Variants in CFAP251 observed in about 807,000 individuals in gnomAD.
CFAP251 encodes cilia- and flagella-associated protein 251.
A neutral mutation model predicts 126.7 loss-of-function variants in CFAP251; 93 were observed. That is an observed-to-expected ratio of 0.73 (90% CI 0.62 to 0.87). The LOEUF is 0.87. CFAP251 is among the 40% of genes least tolerant of loss of function. The probability of loss-of-function intolerance (pLI) is 0.00; values close to 1 mark genes in which losing one functional copy is unlikely to be tolerated. For synonymous variants in CFAP251, 503 were observed against 506.9 expected (o/e 0.99, Z 0.10); for missense variants, 1,287 against 1,389.2 (o/e 0.93, Z 1.17).
At chr12:121,972,500 T>C (rs1401156855) in intron 17 of CFAP251, among the ~76,000 whole-genome samples, 1 of 151,970 alleles carries the variant, frequency 6.6e-6, no homozygotes, top group African/African-American at 2.4e-5. Context: ...TTTTTTTTTT[T>C]TTTTTGAGAT....
chr12:121,980,940 T>C (rs186666351), intron 19 of CFAP251, among the ~76,000 whole-genome samples: 1 of 152,298 alleles, frequency 6.6e-6, no homozygotes, highest in African/African-American at 2.4e-5. Flanking sequence ...GTCTGCTCTG[T>C]AGATGAGGCT....
rs778449991 is a variant in CFAP251, at chr12:122,003,710, G to A, written c.3396G>A (p.Ala1132=). The change falls in exon 22 of 22, where the codon GCG becomes GCA. Residue 1132 remains alanine (A), a synonymous_variant. Transcript: ENST00000288912. Reference sequence around the variant, plus strand: ...ACGAAATCACTGCAGAAATATTCGCGACTGAAATTCTTGGCTTAACCATTT... The same window carrying A: ...ACGAAATCACTGCAGAAATATTCGCAACTGAAATTCTTGGCTTAACCATTT... ...LPDEITAEIF[A]TEILGLTISE... 19 of 1,609,592 alleles carry A rather than the reference G, an allele frequency of 1.2e-5. No individual in the cohort carries two copies. Among genetic ancestry groups the A allele is most frequent in the Admixed American group, 1.7e-5 (1 of 58,858 alleles).
intron 19 of CFAP251, among the ~76,000 whole-genome samples, chr12:121,988,443 T>A (rs1307830559): frequency 1.3e-5 from 2 of 152,218 alleles, no homozygotes; most frequent in Non-Finnish European, 2.9e-5. Context: ...GATTGGCCTA[T>A]CTTGGCATTT....
intron 17 of CFAP251, chr12:121,969,873 A>G (rs1464150982): frequency 4.1e-6 from 4 of 985,306 alleles, no homozygotes; most frequent in Non-Finnish European, 4.8e-6. Flanking sequence ...TCTGCTTTCC[A>G]ATAGCTTTCG....
intron 17 of CFAP251, among the ~76,000 whole-genome samples, chr12:121,972,486 G>A (rs78687953): frequency 0.02 from 2,967 of 151,664 alleles, 96 homozygotes; most frequent in African/African-American, 0.064. Flanking sequence ...ATCTGGTAGA[G>A]TAATTTTTTT....
intron 9 of CFAP251, among the ~76,000 whole-genome samples, chr12:121,952,207 G>A (rs1435688750): frequency 7.1e-6 from 1 of 140,044 alleles, no homozygotes; most frequent in Non-Finnish European, 1.5e-5. Flanking sequence ...TTTGAGACCA[G>A]CCTGGGCAAC....
Position 121,921,254 on chromosome 12 carries a change from C to G in CFAP251, c.-20-32C>G. 2.0e-6 allele frequency: 3 copies of G among 1,526,260 alleles called. No homozygotes were observed. In the East Asian group the frequency reaches 6.8e-5, roughly 35 times the overall value. The allele number at this position is 1,526,260 out of a possible 1,614,324, so 94.5% of individuals were successfully genotyped here. A position where few individuals can be genotyped will look rare whatever the true frequency, so the allele number is the denominator to read the frequency against. On this transcript the variant is annotated intron_variant, in intron 1 of 21. Coordinates refer to ENST00000288912, the MANE Select transcript of CFAP251 (RefSeq NM_144668.6). Reference sequence around the variant, plus strand: ...GGAGATGGAAATGGGAAGCTGAGGGCCAGCTGGTTATTATGGTCAAAATCT... The same window carrying G: ...GGAGATGGAAATGGGAAGCTGAGGGGCAGCTGGTTATTATGGTCAAAATCT...
chr12:121,998,476 T>C (rs1883074178), intron 19 of CFAP251: 1 of 74,260 alleles, frequency 1.3e-5, no homozygotes, highest in Non-Finnish European at 2.7e-5. Context: ...TATATATATA[T>C]ATATATATAT....
chr12:121,927,398 A>G (rs956696521), intron 3 of CFAP251, among the ~76,000 whole-genome samples: 8 of 151,834 alleles, frequency 5.3e-5, no homozygotes, highest in African/African-American at 1.9e-4. Flanking sequence ...CCTGGGTTCA[A>G]GTGATTCTCC....
intron 7 of CFAP251, chr12:121,948,276 T>C (rs564308886): frequency 6.6e-6 from 1 of 152,378 alleles, no homozygotes; most frequent in East Asian, 1.9e-4. Flanking sequence ...CAAGATATTG[T>C]GTGGCCCTGT....
At chr12:121,992,571 C>T (rs1284599933) in intron 19 of CFAP251, 16 of 802,492 alleles carry the variant, frequency 2.0e-5, no homozygotes, top group Non-Finnish European at 2.3e-5. Context: ...TATATTATTT[C>T]TTTTTTTTTT....
rs1261684690 is a variant in CFAP251 at position 121,999,882 on chromosome 12, C to A, written c.3173C>A (p.Thr1058Asn). 9.3e-6 allele frequency: 15 copies of A among 1,614,094 alleles called. No individual in the cohort carries two copies. Among genetic ancestry groups the A allele is most frequent in the Non-Finnish European group, 1.3e-5 (15 of 1,179,970 alleles). The change falls in exon 20 of 22, where the codon ACC becomes AAC. Residue 1058 changes from threonine to asparagine, a missense_variant. Coordinates refer to ENST00000288912, the MANE Select transcript of CFAP251 (RefSeq NM_144668.6). ...AAGAGCTTTGAGGTGCTCGGTTATA[C>A]CAACTCCAAAGGGAAAAAGGCCATT... ...IHKSFEVLGY[T>N]NSKGKKAIRR... is the part of the protein sequence containing the mutation.
intron 19 of CFAP251, among the ~76,000 whole-genome samples, chr12:121,986,988 C>A (rs542098493): frequency 6.6e-6 from 1 of 152,170 alleles, no homozygotes; most frequent in African/African-American, 2.4e-5. Flanking sequence ...GCAAATCCCC[C>A]CAAAGCCCTG....
rs1475900889 is a variant in CFAP251, at chr12:121,942,620, C to T, written c.1085C>T (p.Ala362Val). 1.2e-6 allele frequency: 2 copies of T among 1,613,014 alleles called. No homozygotes were observed. The highest frequency in any genetic ancestry group is 1.7e-5 in the Admixed American group (1 of 60,012). The change falls in exon 6 of 22, where the codon GCA (alanine) becomes GTA (valine). Residue 362 changes from alanine (A) to valine (V), a missense_variant. Coordinates refer to ENST00000288912, the MANE Select transcript of CFAP251 (RefSeq NM_144668.6). Reference sequence around the variant, plus strand: ...ATGACCCACGACGCCAAGTATCTGGCAACCATCTCAGATGCTGAAGTCCAG... The same window carrying T: ...ATGACCCACGACGCCAAGTATCTGGTAACCATCTCAGATGCTGAAGTCCAG... The part of the protein sequence containing the change: ...MAMTHDAKYL[A>V]TISDAEVQKV...
intron 19 of CFAP251, among the ~76,000 whole-genome samples, chr12:121,975,889 A>T (rs1270310763): frequency 6.6e-6 from 1 of 152,046 alleles, no homozygotes; most frequent in Non-Finnish European, 1.5e-5. Context: ...CGCACTCCTC[A>T]TGGAAGTTTG....
In CFAP251 at chr12:121,977,338, G is replaced by A. The variant is rs191528056; in HGVS notation, c.3006+1653G>A. 3.7e-3 allele frequency among the ~76,000 whole-genome samples: 558 copies of A among 152,332 alleles called. 7 individuals carry two copies. The highest frequency in any genetic ancestry group is 0.034 in the Middle Eastern group (10 of 294). On this transcript the variant is annotated intron_variant, in intron 19 of 21. Coordinates refer to ENST00000288912, the MANE Select transcript of CFAP251 (RefSeq NM_144668.6). ...TCATTGCAATATTATTAAGTGCAGT[G>A]TGACTGTATAGATGTATATAGTTTT...
chr12:122,003,606 A>G (rs149048337), intron 21 of CFAP251, 46 bp from the exon 22 acceptor site: 30 of 1,498,658 alleles, frequency 2.0e-5, no homozygotes, highest in African/African-American at 1.1e-4. Context: ...AGAAAGAAAC[A>G]TAATCATCAT....
chr12:121,992,864 C>A (rs1882907061), intron 19 of CFAP251, among the ~76,000 whole-genome samples: 1 of 152,196 alleles, frequency 6.6e-6, no homozygotes. Context: ...GCCACCCCAC[C>A]CAGCCAAATT....
Position 121,999,885 on chromosome 12 carries a change from A to C in CFAP251, c.3176A>C (p.Asn1059Thr). 3 of 1,614,030 alleles carry C rather than the reference A, an allele frequency of 1.9e-6. No individual in the cohort carries two copies. Among genetic ancestry groups the C allele is most frequent in the African/African-American group, 2.7e-5 (2 of 75,022 alleles). Residue 1059 changes from asparagine to threonine, a missense_variant, in exon 20 of 22, where the codon AAC becomes ACC. Physicochemically the swap from Asn to Thr is moderately conservative, Grantham distance 65. Coordinates refer to ENST00000288912, the MANE Select transcript of CFAP251 (RefSeq NM_144668.6). ...AGCTTTGAGGTGCTCGGTTATACCA[A>C]CTCCAAAGGGAAAAAGGCCATTCGA... ...HKSFEVLGYT[N>T]SKGKKAIRRE...
Sources: gnomAD v4.1 joint callset for allele counts (sites outside exome capture counted in the v4.1 genomes callset) on GRCh38, gnomAD v4.1.1 for gene constraint, MANE v1.5 for transcripts, NCBI Gene and HGNC (gene_info 2026-07-23, HGNC 2026-07-21) for gene names.